The following MYO9B variants were observed in gnomAD, a reference collection of about 807,000 sequenced individuals.
MYO9B encodes unconventional myosin-IXb.
Under a neutral mutation model 229.5 loss-of-function variants are expected in MYO9B, and 71 were observed. That is an observed-to-expected ratio of 0.31 (90% CI 0.26 to 0.38). MYO9B has a LOEUF of 0.38. Among genes scored for constraint, MYO9B ranks in the 10% least tolerant of loss-of-function variants. MYO9B has a pLI of 1.00. For synonymous variants in MYO9B, 1,185 were observed against 1,235.8 expected, an observed-to-expected ratio of 0.96 and a Z score of 0.86; for missense variants, 2,255 against 2,920.5, an observed-to-expected ratio of 0.77 and a Z score of 5.25.
chr19:17,081,546 C>G (rs561230104), intron 1 of MYO9B, among the ~76,000 whole-genome samples: 2 of 152,064 alleles, frequency 1.3e-5, no homozygotes, highest in African/African-American at 4.8e-5. Context: ...CAGTGGCTTA[C>G]GCCTGTAATC....
chr19:17,165,293 C>T (rs760549706), intron 10 of MYO9B, among the ~76,000 whole-genome samples: 1 of 150,690 alleles, frequency 6.6e-6, no homozygotes, highest in African/African-American at 2.5e-5. Flanking sequence ...CCCAAGAGGT[C>T]GAGGCTGCAA....
Position 17,101,580 on chromosome 19 carries a change from T to C in MYO9B, c.-58-80T>C, listed in dbSNP as rs2057744816. On this transcript the variant is annotated intron_variant, in intron 1 of 39. Transcript: ENST00000682292. This position sits in a 1 kb window ranked among gnomAD's most constrained non-coding sequence, Gnocchi z 4.7. ...CTCCAGCATCGGGTCAGGTGCTATC[T>C]GCCCAGGAGTGGGACTCCACATGCC... 7.4e-7 allele frequency: 1 copy of C among 1,343,302 alleles called. No individual in the cohort carries two copies. 83.2% of individuals were successfully genotyped at this position (1,343,302 alleles called of 1,614,324 possible).
intron 26 of MYO9B, 24 bp from the exon 27 acceptor site, chr19:17,201,902 G>C (rs764356606): frequency 1.3e-6 from 2 of 1,591,164 alleles, no homozygotes; most frequent in Non-Finnish European, 1.7e-6. Flanking sequence ...GAGGCACGCA[G>C]GGTCAGTTCC....
At chr19:17,185,565 C>A (rs796160999) in intron 17 of MYO9B, among the ~76,000 whole-genome samples, 203 of 143,550 alleles carry the variant, frequency 1.4e-3, no homozygotes, top group African/African-American at 5.5e-3. Flanking sequence ...AAAAACAAAA[C>A]AAAACAAAAA....
intron 7 of MYO9B, among the ~76,000 whole-genome samples, chr19:17,157,879 T>C (rs1226592543): frequency 9.9e-5 from 15 of 152,152 alleles, no homozygotes; most frequent in Admixed American, 9.2e-4. Context: ...AGTAAGGCCC[T>C]GTCTCTTAAA....
At chr19:17,187,884 C>T (rs2072936451) in intron 18 of MYO9B, 51 bp from the exon 19 acceptor site, 7 of 1,476,560 alleles carry the variant, frequency 4.7e-6, no homozygotes, top group Middle Eastern at 2.0e-4. Context: ...CAGACTTGGG[C>T]ATCCTGTCAG....
At chr19:17,099,832 AAAAG>A (rs1386180451) in intron 1 of MYO9B, among the ~76,000 whole-genome samples, 1 of 148,542 alleles carries the variant, frequency 6.7e-6, no homozygotes, top group Non-Finnish European at 1.5e-5. Flanking sequence ...AAAAAAAAAA[AAAAG>A]GCCGGGTGCG....
At chr19:17,167,224 A>T (rs1381513005) in intron 10 of MYO9B, among the ~76,000 whole-genome samples, 3 of 142,602 alleles carry the variant, frequency 2.1e-5, no homozygotes, top group East Asian at 2.0e-4. Context: ...TTTGAGATGG[A>T]GTCTTGCTAT....
At chr19:17,122,727 A>G (rs2057977073) in intron 2 of MYO9B, among the ~76,000 whole-genome samples, 1 of 152,218 alleles carries the variant, frequency 6.6e-6, no homozygotes, top group African/African-American at 2.4e-5. Context: ...ATCAGTTAGC[A>G]GGCAGGAAAG....
chr19:17,076,065 G>A (rs569592768), intron 1 of MYO9B, among the ~76,000 whole-genome samples, 191 bp downstream of exon 1: 21 of 150,776 alleles, frequency 1.4e-4, no homozygotes, highest in African/African-American at 4.9e-4. Context: ...GGAGAAAGTG[G>A]ATGGGGATGG....
At chr19:17,091,704 A>G (rs2057640419) in intron 1 of MYO9B, among the ~76,000 whole-genome samples, 1 of 152,090 alleles carries the variant, frequency 6.6e-6, no homozygotes, top group South Asian at 2.1e-4. Flanking sequence ...TTGTGGTCCC[A>G]GCTAGTTTCT....
intron 2 of MYO9B, among the ~76,000 whole-genome samples, chr19:17,110,940 A>G (rs762199011): frequency 1.3e-5 from 2 of 152,038 alleles, no homozygotes; most frequent in Non-Finnish European, 2.9e-5. Context: ...TAGGGGCCCT[A>G]CAAACCCAGT....
At chr19:17,199,131 A>G (rs1188280147) in intron 24 of MYO9B, among the ~76,000 whole-genome samples, 1 of 152,116 alleles carries the variant, frequency 6.6e-6, no homozygotes, top group Non-Finnish European at 1.5e-5. Flanking sequence ...TGAGGCCAAG[A>G]GATCAAGCCT....
chr19:17,093,858 A>AATTTATTTATTT (rs202021707), intron 1 of MYO9B, among the ~76,000 whole-genome samples: 7,157 of 145,622 alleles, frequency 0.049, 206 homozygotes, highest in Admixed American at 0.058. Flanking sequence ...ATGCCCAGCT[A>AATTTATTTATTT]ATTTATTTAT....
intron 1 of MYO9B, among the ~76,000 whole-genome samples, chr19:17,088,524 C>G (rs1361981478): frequency 6.6e-6 from 1 of 152,182 alleles, no homozygotes; most frequent in Non-Finnish European, 1.5e-5. Flanking sequence ...GTTTCCCATC[C>G]CTGCTCTGTC....
chr19:17,197,357 T>C (rs2073053817), intron 22 of MYO9B, among the ~76,000 whole-genome samples: 1 of 150,676 alleles, frequency 6.6e-6, no homozygotes. Flanking sequence ...GGGTGGAAGA[T>C]AGAGACAATG....
chr19:17,158,630 C>T (rs554993991), intron 7 of MYO9B, among the ~76,000 whole-genome samples: 3 of 152,052 alleles, frequency 2.0e-5, no homozygotes, highest in Admixed American at 2.0e-4. Context: ...CGCTTATTCC[C>T]CACTCTTGCT....
At chr19:17,204,307 C>G (rs751561044) in intron 30 of MYO9B, among the ~76,000 whole-genome samples, 1 of 150,614 alleles carries the variant, frequency 6.6e-6, no homozygotes, top group South Asian at 2.1e-4. Flanking sequence ...GTCTTTGCCC[C>G]GTGACATCTT....
At position 17,079,450 on chromosome 19, in the gene MYO9B, G is replaced by A. The variant is rs142690302; in HGVS notation, c.-59+3576G>A. Among the ~76,000 whole-genome samples the A allele has an allele frequency of 1.7e-3, 255 of 152,262 alleles. 1 individual carries two copies. Among genetic ancestry groups the A allele is most frequent in the African/African-American group, 5.9e-3 (244 of 41,548 alleles). On this transcript the variant is annotated intron_variant, in intron 1 of 39. Coordinates refer to ENST00000682292, the MANE Select transcript of MYO9B (RefSeq NM_004145.4). The stretch of plus-strand genomic sequence containing the variant: ...CTGGATTTCTGGAGGAACTGTCCTC[G>A]TCTTAGAATGATCTGTTGCTTTTCT...
Sources: allele counts gnomAD v4.1 joint callset (sites outside exome capture counted in the v4.1 genomes callset), GRCh38; gene constraint gnomAD v4.1.1; non-coding constraint Gnocchi (gnomAD v3.1); transcripts MANE v1.5; gene names NCBI Gene and HGNC (gene_info 2026-07-23, HGNC 2026-07-21).